The following SORBS2 variants were observed in gnomAD, a reference collection of about 807,000 sequenced individuals.
SORBS2 encodes the protein sorbin and SH3 domain containing 2.
In SORBS2, 46 loss-of-function variants were observed where a neutral mutation model predicts 97.7. The ratio of observed to expected loss-of-function variants is 0.47; its 90% CI spans 0.37 to 0.60. SORBS2 has a LOEUF of 0.60. SORBS2 is among the 20% of genes least tolerant of loss of function. The pLI is 0.00. For synonymous variants in SORBS2, 476 were observed against 473.4 expected (o/e 1.01, Z -0.07); for missense variants, 1,316 against 1,282.3 (o/e 1.03, Z -0.40).
At chr4:185,825,933 C>T (rs1285365140) in intron 1 of SORBS2, among the ~76,000 whole-genome samples, 1 of 152,180 alleles carries the variant, frequency 6.6e-6, no homozygotes, top group East Asian at 1.9e-4. Flanking sequence ...TATAGACTAT[C>T]TTCACCTGAA....
chr4:185,809,320 T>G, intron 1 of SORBS2, among the ~76,000 whole-genome samples: 1 of 144,138 alleles, frequency 6.9e-6, no homozygotes, highest in Non-Finnish European at 1.5e-5. Context: ...AAGTCAGAAG[T>G]AAGATTCAGA....
intron 2 of SORBS2, among the ~76,000 whole-genome samples, chr4:185,722,454 TTTA>T (rs2098522946): frequency 6.6e-6 from 1 of 152,238 alleles, no homozygotes; most frequent in Admixed American, 6.5e-5. Context: ...TCTAATGTAG[TTTA>T]ACACGAAGCA....
rs958707543 is a variant in SORBS2 at position 185,686,324 on chromosome 4, C to G, written c.-197-7502G>C. ...TTTATAAATAGTAAGATTAATAGAACTTAAAAGCAGTGGAGTGATTCTTAC... is the reference window on the plus strand; with the variant it reads ...TTTATAAATAGTAAGATTAATAGAAGTTAAAAGCAGTGGAGTGATTCTTAC... On this transcript the variant is annotated intron_variant, in intron 2 of 20. Coordinates refer to the SORBS2 transcript ENST00000284776. Among the ~76,000 whole-genome samples the G allele has an allele frequency of 2.0e-5, 3 of 152,008 alleles. No homozygotes were observed. The East Asian group carries it at 5.8e-4, about 29-fold the overall frequency.
At chr4:185,666,942 C>T (rs1483360526) in intron 4 of SORBS2, among the ~76,000 whole-genome samples, 5 of 152,118 alleles carry the variant, frequency 3.3e-5, no homozygotes, top group African/African-American at 4.8e-5. Flanking sequence ...TTTAACAGCT[C>T]CAAGGCTATA....
upstream of SORBS2, chr4:185,657,210 G>A: frequency 4.6e-6 from 2 of 432,926 alleles, no homozygotes; most frequent in East Asian, 8.2e-5. Context: ...TGTTCATGAT[G>A]TTTCATTCAA....
At chr4:185,706,399 A>G (rs2098341578) in intron 2 of SORBS2, among the ~76,000 whole-genome samples, 1 of 152,350 alleles carries the variant, frequency 6.6e-6, no homozygotes, top group Admixed American at 6.5e-5. Context: ...GTTAGTTGTA[A>G]TATAACATAA....
chr4:185,770,672 T>C (rs746580783), intron 2 of SORBS2, among the ~76,000 whole-genome samples: 1 of 151,670 alleles, frequency 6.6e-6, no homozygotes, highest in Non-Finnish European at 1.5e-5. Flanking sequence ...TGTCATCATG[T>C]CCTGATCAGA....
chr4:185,898,082 C>A (rs2099245913), intron 1 of SORBS2, among the ~76,000 whole-genome samples: 1 of 152,270 alleles, frequency 6.6e-6, no homozygotes, highest in East Asian at 1.9e-4. Flanking sequence ...ACAGCAGGGG[C>A]TAACATTCCA....
Position 185,680,514 on chromosome 4 carries a change from G to A in SORBS2, c.-197-1692C>T, listed in dbSNP as rs76044060. 9.0e-3 allele frequency among the ~76,000 whole-genome samples: 1,369 copies of A among 152,244 alleles called. 27 individuals carry two copies. The highest frequency in any genetic ancestry group is 0.031 in the African/African-American group (1,272 of 41,528). On this transcript the variant is annotated intron_variant, in intron 2 of 20. Transcript: ENST00000284776. ...ATTTTGGGATTTGGGAAAGGACAACGAAAAGCAAATTTTGGAATTTGGGAA... is the reference window on the plus strand; with the variant it reads ...ATTTTGGGATTTGGGAAAGGACAACAAAAAGCAAATTTTGGAATTTGGGAA...
chr4:185,641,781 C>T (rs2097130810), intron 4 of SORBS2, among the ~76,000 whole-genome samples: 1 of 149,258 alleles, frequency 6.7e-6, no homozygotes, highest in Non-Finnish European at 1.5e-5. Flanking sequence ...AAAAACCCAC[C>T]AGCAAACCTC....
chr4:185,622,881 A>C (rs1470961636), intron 7 of SORBS2, 33 bp downstream of exon 19: 2 of 1,548,138 alleles, frequency 1.3e-6, no homozygotes, highest in Admixed American at 2.0e-5. Flanking sequence ...GGGTCTCTGA[A>C]CCACAAGGAA....
chr4:185,954,784 C>T (rs1169742147), intron 1 of SORBS2, among the ~76,000 whole-genome samples: 1 of 151,960 alleles, frequency 6.6e-6, no homozygotes. Context: ...ATGGCAAAAC[C>T]CCAACTCTAC....
intron 5 of SORBS2, 23 bp from the exon 18 acceptor site, chr4:185,627,042 TTTGA>T (rs1249675680): frequency 5.6e-6 from 9 of 1,612,202 alleles, no homozygotes; most frequent in Middle Eastern, 3.5e-4. Flanking sequence ...ATCAGATCTG[TTTGA>T]TTGGCACTGG....
At chr4:185,641,001 T>C (rs1330490550) in intron 4 of SORBS2, among the ~76,000 whole-genome samples, 1 of 152,216 alleles carries the variant, frequency 6.6e-6, no homozygotes, top group Non-Finnish European at 1.5e-5. Flanking sequence ...AGAAACATTA[T>C]GAACAGCAGA....
intron 6 of SORBS2, 141 bp downstream of exon 18, chr4:185,626,691 T>C: frequency 1.2e-6 from 1 of 817,206 alleles, no homozygotes; most frequent in Non-Finnish European, 2.0e-6. Flanking sequence ...GGAAGAAGGC[T>C]ATTGTTCTAA....
At chr4:185,689,447 C>T (rs1460688349) in intron 2 of SORBS2, among the ~76,000 whole-genome samples, 1 of 152,196 alleles carries the variant, frequency 6.6e-6, no homozygotes, top group Admixed American at 6.5e-5. Flanking sequence ...CTGACATCTC[C>T]AATCATCAAG....
At chr4:185,851,423 C>G (rs1579188631) in intron 1 of SORBS2, among the ~76,000 whole-genome samples, 4 of 152,270 alleles carry the variant, frequency 2.6e-5, no homozygotes, top group Admixed American at 2.6e-4. Context: ...TGGATTGACT[C>G]ACGGTCATCT....
rs546673252 is a variant in SORBS2, at chr4:185,634,722, A to T, written c.397-4124T>A. On this transcript the variant is annotated intron_variant, in intron 4 of 14. Coordinates refer to ENST00000418609, the Ensembl canonical transcript of SORBS2. ...TTGATTATTATAGGCTCTTAAGTAGAGATTGCAAACGCATTTCATTTTATA... is the reference window on the plus strand; with the variant it reads ...TTGATTATTATAGGCTCTTAAGTAGTGATTGCAAACGCATTTCATTTTATA... Among the ~76,000 whole-genome samples the T allele has an allele frequency of 3.9e-5, 6 of 152,200 alleles. No homozygotes were observed. In the East Asian group the frequency reaches 1.2e-3, roughly 29 times the overall value.
chr4:185,927,105 T>C (rs1239855956), intron 1 of SORBS2, among the ~76,000 whole-genome samples: 1 of 149,624 alleles, frequency 6.7e-6, no homozygotes, highest in African/African-American at 2.4e-5. Flanking sequence ...TTGTCATATA[T>C]ATGTGAATAT....
Sources: allele counts gnomAD v4.1 joint callset (sites outside exome capture counted in the v4.1 genomes callset), GRCh38; gene constraint gnomAD v4.1.1; transcripts MANE v1.5; gene names NCBI Gene and HGNC (gene_info 2026-07-23, HGNC 2026-07-21).